FAM53A: variants seen among roughly 807,000 people sequenced by gnomAD.
FAM53A encodes the protein family with sequence similarity 53 member A, also known as protein FAM53A.
In FAM53A, 28 loss-of-function variants were observed where a neutral mutation model predicts 26.6. The ratio of observed to expected loss-of-function variants is 1.05; its 90% CI spans 0.78 to 1.45. FAM53A has a LOEUF of 1.45. Ranked by LOEUF, FAM53A falls within the 40% of genes most tolerant of loss-of-function variation. The pLI is 0.00. For missense variants in FAM53A, 650 were observed against 575.8 expected (o/e 1.13, Z -1.32); for synonymous variants, 290 against 253.1 (o/e 1.15, Z -1.38).
intron 2 of FAM53A, among the ~76,000 whole-genome samples, chr4:1,665,572 C>T (rs548445747): frequency 6.6e-6 from 1 of 152,198 alleles, no homozygotes; most frequent in East Asian, 1.9e-4. Context: ...CCGCCATATT[C>T]ACAGGCCGTG....
intron 4 of FAM53A, among the ~76,000 whole-genome samples, chr4:1,652,682 CCACAGACCACACACCACA>C (rs1712964295): frequency 6.8e-6 from 1 of 147,890 alleles, no homozygotes. Context: ...ACCACACATA[CCACAGACCACACACCACA>C]CACAGAACAC....
Position 1,641,169 on chromosome 4 carries a change from G to A in FAM53A, c.*124C>T. ...AGCCGTGGCCCCGACCAGCTCACAG[G>A]AAACCTACTCTGTGCCCCAGGGCAG... On this transcript the variant is annotated 3_prime_UTR_variant, in exon 5 of 5. Transcript: ENST00000308132. 4.3e-6 allele frequency: 3 copies of A among 699,912 alleles called. No homozygotes were observed. Among genetic ancestry groups the A allele is most frequent in the Non-Finnish European group, 4.3e-6 (2 of 468,660 alleles). 43.4% of individuals were successfully genotyped at this position (699,912 alleles called of 1,614,324 possible).
At chr4:1,617,469 A>G (rs894368218), downstream of FAM53A, among the ~76,000 whole-genome samples, 1 of 152,170 alleles carries the variant, frequency 6.6e-6, no homozygotes, top group Non-Finnish European at 1.5e-5. Context: ...CACCTATAAC[A>G]TATCATAAAC....
At chr4:1,629,029 G>A (rs941419889) in intron 1 of FAM53A, among the ~76,000 whole-genome samples, 1 of 151,924 alleles carries the variant, frequency 6.6e-6, no homozygotes, top group Admixed American at 6.5e-5. Flanking sequence ...GGCAGGGGCC[G>A]TGGGGTTCTC....
upstream of FAM53A, among the ~76,000 whole-genome samples, chr4:1,684,539 C>T (rs548500134): frequency 2.0e-5 from 3 of 151,574 alleles, no homozygotes; most frequent in Non-Finnish European, 2.9e-5. Context: ...CCCGGATCGA[C>T]GCCCCGCCCC....
chr4:1,577,560 C>T, the FAM53A span, among the ~76,000 whole-genome samples: 2 of 152,316 alleles, frequency 1.3e-5, no homozygotes, highest in East Asian at 1.9e-4. Flanking sequence ...TTAGGCCATC[C>T]GGCGTTTGTG....
chr4:1,678,468 C>T (rs780250121), intron 1 of FAM53A, among the ~76,000 whole-genome samples: 2 of 152,138 alleles, frequency 1.3e-5, no homozygotes, highest in African/African-American at 2.4e-5. Context: ...AATGGTAATA[C>T]AATAGAGAAC....
chr4:1,618,714 G>C (rs577430196), intron 1 of FAM53A, among the ~76,000 whole-genome samples: 50 of 152,304 alleles, frequency 3.3e-4, no homozygotes, highest in Middle Eastern at 6.8e-3. Context: ...GGTATGGCCA[G>C]GAAAACGTGG....
chr4:1,622,143 C>T (rs574834966), intron 1 of FAM53A, among the ~76,000 whole-genome samples: 41 of 152,274 alleles, frequency 2.7e-4, no homozygotes, highest in Non-Finnish European at 4.3e-4. Context: ...TTGAGCCCGC[C>T]GACCCCTGTT....
chr4:1,589,614 T>C, the FAM53A span, among the ~76,000 whole-genome samples: 7 of 152,208 alleles, frequency 4.6e-5, no homozygotes, highest in African/African-American at 1.7e-4. Flanking sequence ...CTAATGGATA[T>C]TAGTCTTTTA....
chr4:1,615,790 T>C (rs1714791890), downstream of FAM53A, among the ~76,000 whole-genome samples: 1 of 152,252 alleles, frequency 6.6e-6, no homozygotes, highest in African/African-American at 2.4e-5. Flanking sequence ...AATGTGCAAA[T>C]GCAGAATCCG....
At chr4:1,662,380 G>A (rs1713898317) in intron 2 of FAM53A, among the ~76,000 whole-genome samples, 1 of 150,630 alleles carries the variant, frequency 6.6e-6, no homozygotes, top group Admixed American at 6.7e-5. Context: ...TCAGGAGGCT[G>A]AGGCAGAAGA....
chr4:1,622,064 A>G (rs1046418854), intron 1 of FAM53A, among the ~76,000 whole-genome samples: 6 of 152,106 alleles, frequency 3.9e-5, no homozygotes, highest in African/African-American at 1.4e-4. Context: ...GCCCTCTGCC[A>G]CCTGACGACA....
chr4:1,576,196 T>G, the FAM53A span, among the ~76,000 whole-genome samples: 1 of 152,192 alleles, frequency 6.6e-6, no homozygotes, highest in Non-Finnish European at 1.5e-5. Context: ...AAGATCCCAT[T>G]TAATCTCGCG....
chr4:1,592,921 C>T, the FAM53A span, among the ~76,000 whole-genome samples: 1 of 150,820 alleles, frequency 6.6e-6, no homozygotes, highest in East Asian at 2.0e-4. Context: ...GTCCTGGCTG[C>T]GGGGCCCGGG....
chr4:1,604,375 G>A, the FAM53A span, among the ~76,000 whole-genome samples: 1 of 152,196 alleles, frequency 6.6e-6, no homozygotes, highest in East Asian at 1.9e-4. Context: ...ACCCAGTGCT[G>A]TTTGAGGGCG....
chr4:1,586,594 T>C, the FAM53A span, among the ~76,000 whole-genome samples: 1 of 151,496 alleles, frequency 6.6e-6, no homozygotes, highest in Non-Finnish European at 1.5e-5. Context: ...GCTAACACGG[T>C]GAAACCCTGT....
intron 4 of FAM53A, among the ~76,000 whole-genome samples, chr4:1,643,270 T>C (rs1379717708): frequency 6.6e-6 from 1 of 151,944 alleles, no homozygotes; most frequent in Non-Finnish European, 1.5e-5. Context: ...ATCAAGACCA[T>C]CCTGGCTAAC....
In FAM53A at chr4:1,657,560, T is replaced by C. The variant is rs540253270; in HGVS notation, c.76-92A>G. On this transcript the variant is annotated intron_variant, in intron 2 of 4. Transcript: ENST00000308132. ...TTTCATCACTGCAGCACGTTCTACC[T>C]TTCCCCAGTGTTTTCTTTCTAGTGA... The C allele has an allele frequency of 4.7e-6, 5 of 1,058,724 alleles. No homozygotes were observed. The South Asian group carries it at 6.8e-5, about 14-fold the overall frequency. 65.6% of individuals were successfully genotyped at this position (1,058,724 alleles called of 1,614,324 possible).
Sources: allele counts gnomAD v4.1 joint callset (sites outside exome capture counted in the v4.1 genomes callset), GRCh38; gene constraint gnomAD v4.1.1; transcripts MANE v1.5; gene names NCBI Gene and HGNC (gene_info 2026-07-23, HGNC 2026-07-21).